Variants in UBLCP1 observed in about 807,000 individuals in gnomAD.
UBLCP1 encodes ubiquitin-like domain-containing CTD phosphatase 1.
UBLCP1 carries 28 observed loss-of-function variants against 42.4 expected under a neutral mutation model. That is an observed-to-expected ratio of 0.66 (90% CI 0.49 to 0.90). The LOEUF (loss-of-function observed/expected upper bound fraction) is 0.90, where lower values mean the gene tolerates loss of function less well. Among genes scored for constraint, UBLCP1 ranks in the 40% least tolerant of loss-of-function variants. The probability of loss-of-function intolerance (pLI) is 0.00; values close to 1 mark genes in which losing one functional copy is unlikely to be tolerated. For synonymous variants in UBLCP1, 122 were observed against 120.8 expected, an observed-to-expected ratio of 1.01 and a Z score of -0.07; for missense variants, 279 against 374.5, an observed-to-expected ratio of 0.75 and a Z score of 2.10.
rs151169113 is a variant in UBLCP1, at chr5:159,269,911, A to G, written c.158A>G (p.Lys53Arg). 9 of 1,612,270 alleles carry G rather than the reference A, an allele frequency of 5.6e-6. No homozygotes were observed. The highest frequency in any genetic ancestry group is 3.3e-5 in the Admixed American group (2 of 59,786). ...QKLLGLKVKG[K>R]PAENDVKLGA... ...CAGTCATTTGCTTGTATTGTAGGCA[A>G]ACCTGCAGAAAATGATGTTAAGCTT... Residue 53 changes from lysine to arginine, a missense_variant, in exon 3 of 11, where the codon AAA becomes AGA. Physicochemically the swap from Lys to Arg is conservative, Grantham distance 26. Transcript: ENST00000296786.
At chr5:159,283,126 A>G in intron 9 of UBLCP1, 86 bp from the exon 10 acceptor site, 2 of 1,363,148 alleles carry the variant, frequency 1.5e-6, no homozygotes, top group Non-Finnish European at 2.0e-6. Flanking sequence ...TTTTAACCTC[A>G]TTAACTCTAA....
rs550667346 is a variant in UBLCP1 at position 159,279,457 on chromosome 5, G to A, written c.801+1103G>A. 3.3e-5 allele frequency among the ~76,000 whole-genome samples: 5 copies of A among 152,282 alleles called. No homozygotes were observed. The East Asian group carries it at 5.8e-4, about 18-fold the overall frequency. ...ACTATTGCACATGGAGTCTCCATTC[G>A]AAGTGGCAGTCCTGACACTGAGATG... On this transcript the variant is annotated intron_variant, in intron 9 of 10. Coordinates refer to ENST00000296786, the MANE Select transcript of UBLCP1 (RefSeq NM_145049.5).
chr5:159,284,767 G>A, intron 10 of UBLCP1, 137 bp from the exon 11 acceptor site: 1 of 839,122 alleles, frequency 1.2e-6, no homozygotes, highest in Non-Finnish European at 2.0e-6. Flanking sequence ...CACATAATCA[G>A]TAGATGTAAG....
chr5:159,269,615 T>C (rs553576309), intron 2 of UBLCP1, among the ~76,000 whole-genome samples: 2 of 152,306 alleles, frequency 1.3e-5, no homozygotes, highest in East Asian at 3.9e-4. Flanking sequence ...AACAGTAATA[T>C]TCATCTTGAA....
chr5:159,263,689 C>T (rs2113306354), intron 1 of UBLCP1, among the ~76,000 whole-genome samples: 1 of 152,300 alleles, frequency 6.6e-6, no homozygotes, highest in Admixed American at 6.5e-5. Context: ...GGTTCTGGAG[C>T]CTCCACCTGC....
chr5:159,269,221 C>A, intron 2 of UBLCP1, 152 bp downstream of exon 2: 3 of 548,754 alleles, frequency 5.5e-6, no homozygotes, highest in Non-Finnish European at 8.5e-6. Flanking sequence ...TAGAAATATT[C>A]TTAAAATTGT....
intron 6 of UBLCP1, 148 bp downstream of exon 6, chr5:159,272,269 A>G: frequency 1.6e-6 from 1 of 634,072 alleles, no homozygotes. Context: ...AGCATGTATC[A>G]CAATATAAAC....
chr5:159,269,100 A>T (rs571641656), intron 2 of UBLCP1, 31 bp downstream of exon 2: 1 of 1,464,772 alleles, frequency 6.8e-7, no homozygotes, highest in Non-Finnish European at 9.0e-7. Context: ...GATTTTTTGC[A>T]TTGAATTTTT....
In UBLCP1 at chr5:159,285,231, CACACACACACACA is replaced by C. The variant is rs898895637; in HGVS notation, c.*302_*314del. 2 of 257,900 alleles carry C rather than the reference CACACACACACACA, an allele frequency of 7.8e-6. No individual in the cohort carries two copies. Among genetic ancestry groups the C allele is most frequent in the African/African-American group, 5.0e-5 (2 of 40,116 alleles). The allele number at this position is 257,900 out of a possible 1,614,324, so 16.0% of individuals were successfully genotyped here. ...ACACACACACACACACACACACACA[CACACACACACACA>C]AAGTGGAGAAAAATGTATACTCAAC... is the stretch of plus-strand genomic sequence containing the variant. On this transcript the variant is annotated 3_prime_UTR_variant, in exon 11 of 11. Coordinates refer to ENST00000296786, the MANE Select transcript of UBLCP1 (RefSeq NM_145049.5).
rs755539256 is a variant in UBLCP1 at position 159,272,103 on chromosome 5, T to G, written c.529T>G (p.Tyr177Asp). 1.9e-6 allele frequency: 3 copies of G among 1,612,894 alleles called. No individual in the cohort carries two copies. The highest frequency in any genetic ancestry group is 1.1e-5 in the South Asian group (1 of 91,054). The change falls in exon 6 of 11, where the codon TAT becomes GAT. Residue 177 changes from tyrosine to aspartate, a missense_variant. Coordinates refer to ENST00000296786, the MANE Select transcript of UBLCP1 (RefSeq NM_145049.5). ...HEFLTSAYEDYDIVIWSATNM... is the reference protein window; with the variant it reads ...HEFLTSAYEDDDIVIWSATNM... ...ATTTCTAACATCTGCCTATGAAGAT[T>G]ATGACATTGTTATTTGGTGTAAGCT...
rs1200247552 is a variant in UBLCP1, at chr5:159,263,359, A to G, written c.-48A>G. ...GCTGCCGCAGGTTCCACCGCGCTCC[A>G]GGTGAGGGGTTGCGGGGCACCCTGG... On this transcript the variant is annotated splice_region_variant and 5_prime_UTR_variant, in exon 1 of 11. Transcript: ENST00000296786. 1 of 152,188 alleles carries G rather than the reference A, an allele frequency of 6.6e-6. No individual in the cohort carries two copies. Among genetic ancestry groups the G allele is most frequent in the Non-Finnish European group, 1.5e-5 (1 of 68,018 alleles). 9.4% of individuals were successfully genotyped at this position (152,188 alleles called of 1,614,324 possible).
Position 159,285,377 on chromosome 5 carries a change from C to G in UBLCP1, c.*446C>G, listed in dbSNP as rs1753664733. On this transcript the variant is annotated 3_prime_UTR_variant, in exon 11 of 11. Coordinates refer to ENST00000296786, the MANE Select transcript of UBLCP1 (RefSeq NM_145049.5). ...AACCCATGTTGAAACTAGTACTTTTCCCTTTAAAAACAAACCAAAAAAAAA... is the reference window on the plus strand; with the variant it reads ...AACCCATGTTGAAACTAGTACTTTTGCCTTTAAAAACAAACCAAAAAAAAA... 1 of 151,742 alleles carries G rather than the reference C, an allele frequency of 6.6e-6. No homozygotes were observed. The highest frequency in any genetic ancestry group is 1.5e-5 in the Non-Finnish European group (1 of 68,304). 9.4% of individuals were successfully genotyped at this position (151,742 alleles called of 1,614,324 possible). A position where few individuals can be genotyped will look rare whatever the true frequency, so the allele number is the denominator to read the frequency against.
At chr5:159,275,042 G>A (rs549414006) in intron 7 of UBLCP1, 106 bp from the exon 8 acceptor site, 2 of 889,002 alleles carry the variant, frequency 2.2e-6, no homozygotes, top group Non-Finnish European at 3.6e-6. Flanking sequence ...GTAGTGGCCA[G>A]TGGTGTAGAA....
intron 5 of UBLCP1, among the ~76,000 whole-genome samples, chr5:159,271,660 C>A (rs10434696): frequency 0.28 from 42,421 of 151,984 alleles, 6,294 homozygotes; most frequent in South Asian, 0.32. Context: ...GTGATTATAT[C>A]TGCAAGGTAG....
intron 9 of UBLCP1, among the ~76,000 whole-genome samples, chr5:159,279,890 T>C (rs554711010): frequency 2.7e-5 from 4 of 150,680 alleles, no homozygotes; most frequent in African/African-American, 4.9e-5. Context: ...GGTCAAGGAA[T>C]AATTTTGGAG....
At chr5:159,278,466 G>A (rs1753564816) in intron 9 of UBLCP1, 112 bp downstream of exon 9, 2 of 778,452 alleles carry the variant, frequency 2.6e-6, no homozygotes, top group South Asian at 3.0e-5. Context: ...GTATTCTTAT[G>A]TCATAGGCGA....
Position 159,269,042 on chromosome 5 carries a change from CAA to C in UBLCP1, c.130_131del (p.Lys44ValfsTer7). The C allele has an allele frequency of 6.3e-7, 1 of 1,589,942 alleles. No homozygotes were observed. Among genetic ancestry groups the C allele is most frequent in the Non-Finnish European group, 8.5e-7 (1 of 1,171,420 alleles). On this transcript the variant is annotated frameshift_variant, in exon 2 of 11. Coordinates refer to ENST00000296786, the MANE Select transcript of UBLCP1 (RefSeq NM_145049.5). LOFTEE classifies it high-confidence loss of function. ...CCTTACAGGAGTTCTTCCAGAACGC[CAA>C]AAGTTACTTGGACTCAAAGTTAAAG... ...KTLTGVLPER[Q>X]KLLGLKVKGK...
chr5:159,270,473 C>G (rs3734104), intron 4 of UBLCP1, 28 bp downstream of exon 4: 950,607 of 1,606,516 alleles, frequency 0.59, 285,260 homozygotes, highest in Non-Finnish European at 0.61. Flanking sequence ...TAGAAGTAAT[C>G]AGTTGTCATG....
chr5:159,265,213 G>C (rs898317947), intron 1 of UBLCP1, among the ~76,000 whole-genome samples: 4 of 152,132 alleles, frequency 2.6e-5, no homozygotes, highest in African/African-American at 9.7e-5. Flanking sequence ...TGGCCTTTTA[G>C]TAGGAGACAC....
Sources: gnomAD v4.1 joint callset for allele counts (sites outside exome capture counted in the v4.1 genomes callset) on GRCh38, gnomAD v4.1.1 for gene constraint, MANE v1.5 for transcripts, NCBI Gene and HGNC (gene_info 2026-07-23, HGNC 2026-07-21) for gene names.